NR6A1: variants seen among roughly 807,000 people sequenced by gnomAD.
The protein encoded by NR6A1 is nuclear receptor subfamily 6 group A member 1.
A neutral mutation model predicts 59.1 loss-of-function variants in NR6A1; 7 were observed. That is an observed-to-expected ratio of 0.12 (90% CI 0.07 to 0.22). The LOEUF (loss-of-function observed/expected upper bound fraction) is 0.22, where lower values mean the gene tolerates loss of function less well. Ranked by LOEUF, NR6A1 falls within the 10% of genes least tolerant of loss-of-function variation. NR6A1 has a pLI of 1.00. For missense variants in NR6A1, 468 were observed against 611.6 expected, an observed-to-expected ratio of 0.77 and a Z score of 2.48; for synonymous variants, 243 against 236.1, an observed-to-expected ratio of 1.03 and a Z score of -0.27.
chr9:124,548,106 G>C (rs1833654726), intron 3 of NR6A1, among the ~76,000 whole-genome samples: 1 of 145,590 alleles, frequency 6.9e-6, no homozygotes. Flanking sequence ...GTGGGAAGTG[G>C]GGAAGGTGGA....
intron 2 of NR6A1, among the ~76,000 whole-genome samples, chr9:124,564,681 C>G (rs866683026): frequency 7.4e-5 from 11 of 149,396 alleles, no homozygotes; most frequent in African/African-American, 2.5e-4. Context: ...AATCCACACT[C>G]TGTGTGTGTG....
intron 2 of NR6A1, among the ~76,000 whole-genome samples, chr9:124,573,107 GA>G (rs1036616941): frequency 4.6e-5 from 7 of 152,086 alleles, no homozygotes; most frequent in South Asian, 4.1e-4. Context: ...AATGGGGTGG[GA>G]AAAAAGAAGG....
intron 8 of NR6A1, 75 bp downstream of exon 8, chr9:124,526,704 G>T: frequency 6.3e-7 from 1 of 1,587,908 alleles, no homozygotes. Flanking sequence ...GTAAGGAGGG[G>T]TGAAACAGGA....
chr9:124,556,415 G>A (rs1833927163), intron 2 of NR6A1, among the ~76,000 whole-genome samples: 1 of 152,034 alleles, frequency 6.6e-6, no homozygotes, highest in Admixed American at 6.6e-5. Flanking sequence ...GCTTCTGAAA[G>A]GAGTGTGGCT....
intron 2 of NR6A1, among the ~76,000 whole-genome samples, chr9:124,572,350 C>G (rs1014993409): frequency 2.0e-5 from 3 of 152,224 alleles, no homozygotes; most frequent in African/African-American, 4.8e-5. Context: ...TCATACTAAT[C>G]TTGTCACTAA....
At chr9:124,730,093 G>A (rs950110937) in intron 2 of NR6A1, among the ~76,000 whole-genome samples, 22 of 152,016 alleles carry the variant, frequency 1.4e-4, no homozygotes, top group African/African-American at 3.6e-4. Context: ...GATTACAGGC[G>A]TGAGCCACCA....
At chr9:124,568,865 G>A (rs569074990) in intron 2 of NR6A1, among the ~76,000 whole-genome samples, 5 of 151,836 alleles carry the variant, frequency 3.3e-5, no homozygotes, top group Non-Finnish European at 7.3e-5. Flanking sequence ...TGTAATCCCA[G>A]CACTTTGGGA....
At position 124,705,644 on chromosome 9, in the gene NR6A1, TACATTC is replaced by T. The variant is rs544968405; in HGVS notation, c.142+27658_142+27663del. 6.0e-4 allele frequency among the ~76,000 whole-genome samples: 91 copies of T among 152,350 alleles called. 1 individual carries two copies. The South Asian group carries it at 0.018, about 30-fold the overall frequency. ...CCATCTCTACCTTTTGAATAGATGGTACATTCACATTTAATATAACTACTGATATAG... is the reference window on the plus strand; with the variant it reads ...CCATCTCTACCTTTTGAATAGATGGTACATTTAATATAACTACTGATATAG... On this transcript the variant is annotated intron_variant, in intron 2 of 9. Transcript: ENST00000487099.
chr9:124,558,901 G>A (rs1382191681), intron 2 of NR6A1, among the ~76,000 whole-genome samples: 1 of 152,140 alleles, frequency 6.6e-6, no homozygotes. Context: ...TGAAGCAAAT[G>A]CCCCTAATCG....
chr9:124,573,124 A>G (rs1292740711), intron 2 of NR6A1, among the ~76,000 whole-genome samples: 2 of 152,246 alleles, frequency 1.3e-5, no homozygotes, highest in East Asian at 1.9e-4. Flanking sequence ...GAAGGCTCAC[A>G]GGATCTAGTC....
intron 2 of NR6A1, chr9:124,698,262 C>T (rs1838829246): frequency 1.3e-5 from 2 of 152,010 alleles, no homozygotes. Flanking sequence ...AAATCTTTCG[C>T]CTTTTAAATC....
At chr9:124,598,923 A>C (rs1835362617) in intron 2 of NR6A1, 1 of 700,690 alleles carries the variant, frequency 1.4e-6, no homozygotes, top group Non-Finnish European at 2.7e-6. Context: ...GGCTTGGGGC[A>C]CTCGTCGTTC....
chr9:124,547,332 T>C (rs1453222424), intron 3 of NR6A1, among the ~76,000 whole-genome samples: 3 of 152,184 alleles, frequency 2.0e-5, no homozygotes, highest in African/African-American at 4.8e-5. Flanking sequence ...CTTTGGTTCA[T>C]GGGCCAAATC....
At chr9:124,744,527 T>C (rs1840268017) in intron 1 of NR6A1, among the ~76,000 whole-genome samples, 3 of 152,222 alleles carry the variant, frequency 2.0e-5, no homozygotes, top group Admixed American at 1.3e-4. Context: ...CTTTGCGCAG[T>C]GCATGTTCTG....
chr9:124,743,253 G>C (rs1360763185), intron 1 of NR6A1, among the ~76,000 whole-genome samples: 1 of 152,204 alleles, frequency 6.6e-6, no homozygotes, highest in Non-Finnish European at 1.5e-5. Context: ...TGGGCCATTA[G>C]CTTTTGTTTC....
chr9:124,682,281 C>T (rs1259541207), intron 2 of NR6A1, among the ~76,000 whole-genome samples: 1 of 152,164 alleles, frequency 6.6e-6, no homozygotes, highest in Non-Finnish European at 1.5e-5. Context: ...GGAATACAGG[C>T]ATCAGCCATC....
At chr9:124,628,085 C>T (rs539320198) in intron 2 of NR6A1, among the ~76,000 whole-genome samples, 1 of 151,796 alleles carries the variant, frequency 6.6e-6, no homozygotes, top group African/African-American at 2.4e-5. Context: ...TGGAATGCAG[C>T]GGTGCAATCT....
intron 2 of NR6A1, among the ~76,000 whole-genome samples, chr9:124,610,165 C>T (rs970635262): frequency 7.9e-5 from 12 of 152,214 alleles, no homozygotes; most frequent in East Asian, 1.9e-4. Context: ...GAAGGCATCC[C>T]GGTCTTTTGT....
chr9:124,720,005 T>A (rs1196276779), intron 2 of NR6A1, among the ~76,000 whole-genome samples: 2 of 152,188 alleles, frequency 1.3e-5, no homozygotes, highest in East Asian at 3.9e-4. Context: ...TATTACAATT[T>A]ATCAAGAAAG....
Sources: gnomAD v4.1 joint callset for allele counts (sites outside exome capture counted in the v4.1 genomes callset) on GRCh38, gnomAD v4.1.1 for gene constraint, MANE v1.5 for transcripts, NCBI Gene and HGNC (gene_info 2026-07-23, HGNC 2026-07-21) for gene names.